DSP: variants seen among roughly 807,000 people sequenced by gnomAD.
DSP encodes the protein 250/210 kDa paraneoplastic pemphigus antigen.
DSP carries 114 observed loss-of-function variants against 290.6 expected under a neutral mutation model. The observed-to-expected ratio is 0.39, with a 90% CI of 0.34 to 0.46. DSP has a LOEUF of 0.46. Ranked by LOEUF, DSP falls within the 20% of genes least tolerant of loss-of-function variation. The probability of loss-of-function intolerance (pLI) is 0.99; values close to 1 mark genes in which losing one functional copy is unlikely to be tolerated. For synonymous variants in DSP, 1,311 were observed against 1,316.4 expected (o/e 1.00, Z 0.09); for missense variants, 3,230 against 3,495.8 (o/e 0.92, Z 1.92).
chr6:7,548,305 C>T lies in DSP; in HGVS notation c.170+6220C>T, dbSNP rs113682545. 5.4e-3 allele frequency among the ~76,000 whole-genome samples: 824 copies of T among 152,126 alleles called. 9 individuals carry two copies. Among genetic ancestry groups the T allele is most frequent in the African/African-American group, 0.019 (774 of 41,510 alleles). ...GAAAGAAATTTCAGAACCATAACAA[C>T]AGCAGCAGCCTCCGCAAGTAAGAGC... On this transcript the variant is annotated intron_variant, in intron 1 of 23. Transcript: ENST00000379802.
chr6:7,577,037 A>C lies in DSP; in HGVS notation c.2872A>C (p.Ile958Leu), dbSNP rs377116090. 1 of 1,609,894 alleles carries C rather than the reference A, an allele frequency of 6.2e-7. No individual in the cohort carries two copies. Among genetic ancestry groups the C allele is most frequent in the South Asian group, 1.1e-5 (1 of 89,966 alleles). The change falls in exon 20 of 24, where the codon ATT becomes CTT. Residue 958 changes from isoleucine to leucine, a missense_variant. Around this residue, in one of 5 missense-constraint regions of DSP, gnomAD observed 1,714 missense variants for 1,844.5 expected, o/e 0.93. Transcript: ENST00000379802. ...QKIAELCANS[I>L]KDYELQLASY... is the part of the protein sequence containing the mutation. Reference sequence around the variant, plus strand: ...AATTGCTGAACTTTGCGCCAATTCAATTAAGGTATGTTGGTTTCATAAAGA... The same window carrying C: ...AATTGCTGAACTTTGCGCCAATTCACTTAAGGTATGTTGGTTTCATAAAGA...
rs753652255 is a variant in DSP at position 7,580,995 on chromosome 6, G to A, written c.4805G>A (p.Arg1602Lys). The A allele has an allele frequency of 2.5e-6, 4 of 1,614,076 alleles. No individual in the cohort carries two copies. The highest frequency in any genetic ancestry group is 1.1e-5 in the South Asian group (1 of 91,090). ...KKLEEELEGM[R>K]RSLKEQAIKI... ...CTGGAGGAAGAGCTGGAAGGCATGA[G>A]GAGGTCGCTGAAGGAGCAAGCCATC... The change falls in exon 23 of 24, where the codon AGG becomes AAG. Residue 1602 changes from arginine to lysine, a missense_variant. Physicochemically the swap from Arg to Lys is conservative, Grantham distance 26 (BLOSUM62 2). This residue lies in a region of DSP where 1,714 missense variants were observed against 1,844.5 expected (regional missense o/e 0.93). Transcript: ENST00000379802. This position sits in a 1 kb window ranked among gnomAD's most constrained non-coding sequence, Gnocchi z 4.2.
Position 7,565,498 on chromosome 6 carries a change from C to G in DSP, c.917C>G (p.Ala306Gly), listed in dbSNP as rs1758833983. 6.2e-7 allele frequency: 1 copy of G among 1,613,834 alleles called. No individual in the cohort carries two copies. Among genetic ancestry groups the G allele is most frequent in the African/African-American group, 1.3e-5 (1 of 74,880 alleles). ...TGGAGCGACAAGAACACCAACATCG[C>G]TCAGAAACAGGAGGCCTTCTCCGTA... Reference protein sequence around the residue: ...YDWSDKNTNIAQKQEAFSIRM... With the variant: ...YDWSDKNTNIGQKQEAFSIRM... The change falls in exon 7 of 24, where the codon GCT (alanine) becomes GGT (glycine). Residue 306 changes from alanine (A) to glycine (G), a missense_variant. Physicochemically the swap from Ala to Gly is moderately conservative, Grantham distance 60. Transcript: ENST00000379802. The surrounding 1 kb of genome is among the most constrained non-coding windows in gnomAD (Gnocchi z 4.2).
At chr6:7,550,914 C>T (rs1758322446) in intron 1 of DSP, among the ~76,000 whole-genome samples, 1 of 151,586 alleles carries the variant, frequency 6.6e-6, no homozygotes, top group South Asian at 2.1e-4. Context: ...GAAAATCTTT[C>T]AACCCCTAAC....
In DSP at chr6:7,580,294, C is replaced by A. The variant is rs1464715776; in HGVS notation, c.4104C>A (p.Thr1368=). The change falls in exon 23 of 24, where the codon ACC becomes ACA. Residue 1368 remains threonine (T), a synonymous_variant. Transcript: ENST00000379802. The surrounding 1 kb of genome is among the most constrained non-coding windows in gnomAD (Gnocchi z 4.2). ...EIISLKNQFE[T]EINITKTTIH... is the part of the protein sequence containing the mutation. ...TTAGCTTAAAAAATCAGTTTGAGAC[C>A]GAGATCAACATCACCAAGACCACCA... is the stretch of plus-strand genomic sequence containing the variant. 29 of 1,613,476 alleles carry A rather than the reference C, an allele frequency of 1.8e-5. No individual in the cohort carries two copies. The highest frequency in any genetic ancestry group is 3.3e-5 in the Admixed American group (2 of 59,924).
rs1374798133 is a variant in DSP, at chr6:7,580,522, A to C, written c.4332A>C (p.Lys1444Asn). 2 of 1,614,162 alleles carry C rather than the reference A, an allele frequency of 1.2e-6. No individual in the cohort carries two copies. Among genetic ancestry groups the C allele is most frequent in the Non-Finnish European group, 1.7e-6 (2 of 1,180,028 alleles). ...KATGSEVSQRKQQLEVELRQV... is the reference protein window; with the variant it reads ...KATGSEVSQRNQQLEVELRQV... ...CTGGCTCTGAGGTGTCTCAGAGGAAACAGCAGCTGGAGGTTGAGCTGAGAC... is the reference window on the plus strand; with the variant it reads ...CTGGCTCTGAGGTGTCTCAGAGGAACCAGCAGCTGGAGGTTGAGCTGAGAC... The change falls in exon 23 of 24, where the codon AAA becomes AAC. Residue 1444 changes from lysine to asparagine, a missense_variant. Transcript: ENST00000379802. This position sits in a 1 kb window ranked among gnomAD's most constrained non-coding sequence, Gnocchi z 4.2.
chr6:7,543,054 T>A (rs1205274108), intron 1 of DSP, among the ~76,000 whole-genome samples: 1 of 151,736 alleles, frequency 6.6e-6, no homozygotes, highest in East Asian at 1.9e-4. Flanking sequence ...ACCGAGGGCG[T>A]CATTTGGGTG....
chr6:7,577,082 A>G, intron 20 of DSP, 40 bp downstream of exon 20: 1 of 1,518,360 alleles, frequency 6.6e-7, no homozygotes, highest in Non-Finnish European at 9.1e-7. Context: ...TTTCACCAAG[A>G]TTATTATTAA....
rs1053461609 is a variant in DSP, at chr6:7,565,997, A to C, written c.940-380A>C. ...CTTAAAATAAAAGTTAAAAAGAAAAAGAGGGGCAATACCTTGTTTAATATC... is the reference window on the plus strand; with the variant it reads ...CTTAAAATAAAAGTTAAAAAGAAAACGAGGGGCAATACCTTGTTTAATATC... On this transcript the variant is annotated intron_variant, in intron 7 of 23. Transcript: ENST00000379802. The surrounding 1 kb of genome is among the most constrained non-coding windows in gnomAD (Gnocchi z 4.2). Among the ~76,000 whole-genome samples the C allele has an allele frequency of 6.6e-6, 1 of 152,212 alleles. No individual in the cohort carries two copies. Among genetic ancestry groups the C allele is most frequent in the Non-Finnish European group, 1.5e-5 (1 of 68,044 alleles).
intron 15 of DSP, among the ~76,000 whole-genome samples, chr6:7,572,843 A>G (rs1759097412): frequency 6.6e-6 from 1 of 152,250 alleles, no homozygotes; most frequent in Admixed American, 6.5e-5. Context: ...ATAGCCTACT[A>G]TACACCTAGG....
chr6:7,556,280 A>C (rs1215093132), intron 2 of DSP, among the ~76,000 whole-genome samples: 1 of 152,166 alleles, frequency 6.6e-6, no homozygotes, highest in Non-Finnish European at 1.5e-5. Flanking sequence ...AAAAATAGGC[A>C]ATGGAAAATT....
intron 11 of DSP, 79 bp downstream of exon 11, chr6:7,568,668 T>A: frequency 6.8e-7 from 1 of 1,468,492 alleles, no homozygotes; most frequent in Non-Finnish European, 9.5e-7. Flanking sequence ...AAGCAACATT[T>A]AATCTAGAGT....
intron 15 of DSP, 151 bp from the exon 16 acceptor site, chr6:7,573,935 C>T (rs2113682756): frequency 1.2e-6 from 1 of 859,954 alleles, no homozygotes; most frequent in Non-Finnish European, 1.8e-6. Context: ...AAAAGATAAC[C>T]ATGGAAGTTG....
chr6:7,548,296 C>G (rs1226288963), intron 1 of DSP, among the ~76,000 whole-genome samples: 1 of 151,966 alleles, frequency 6.6e-6, no homozygotes, highest in Non-Finnish European at 1.5e-5. Flanking sequence ...AATTTCAGAA[C>G]CATAACAACA....
At chr6:7,573,220 A>C (rs1759114365) in intron 15 of DSP, among the ~76,000 whole-genome samples, 1 of 152,124 alleles carries the variant, frequency 6.6e-6, no homozygotes, top group Non-Finnish European at 1.5e-5. Flanking sequence ...CATTGACCAA[A>C]ACATCATTAG....
intron 4 of DSP, among the ~76,000 whole-genome samples, chr6:7,561,247 C>A (rs1758681976): frequency 6.6e-6 from 1 of 152,162 alleles, no homozygotes; most frequent in Admixed American, 6.5e-5. Context: ...CCACCACGCC[C>A]AGCCAGTTTT....
rs1318410023 is a variant in DSP, at chr6:7,579,052, CAAAG to C, written c.3085-221_3085-218del. ...TTTTACAGATGAGGTAGCTCAGACT[CAAAG>C]ATAATATATCATTTGCTAAGAGCAT... On this transcript the variant is annotated intron_variant, in intron 22 of 23. Coordinates refer to ENST00000379802, the MANE Select transcript of DSP (RefSeq NM_004415.4). This position sits in a 1 kb window ranked among gnomAD's most constrained non-coding sequence, Gnocchi z 4.1. Among the ~76,000 whole-genome samples the C allele has an allele frequency of 6.6e-6, 1 of 152,110 alleles. No individual in the cohort carries two copies. The highest frequency in any genetic ancestry group is 1.5e-5 in the Non-Finnish European group (1 of 68,026).
Position 7,583,765 on chromosome 6 carries a change from G to C in DSP, c.6503G>C (p.Ser2168Thr). The C allele has an allele frequency of 6.2e-7, 1 of 1,614,116 alleles. No individual in the cohort carries two copies. The highest frequency in any genetic ancestry group is 8.5e-7 in the Non-Finnish European group (1 of 1,180,026). Residue 2168 changes from serine (S) to threonine (T), a missense_variant, in exon 24 of 24, where the codon AGT becomes ACT. Around this residue, in one of 5 missense-constraint regions of DSP, gnomAD observed 1,714 missense variants for 1,844.5 expected, o/e 0.93. Transcript: ENST00000379802. This position sits in a 1 kb window ranked among gnomAD's most constrained non-coding sequence, Gnocchi z 4.0. ...LYRSLNDPRD[S>T]QKNFVDPVTK... ...CGATCCCTGAATGATCCCCGAGATA[G>C]TCAGAAAAACTTTGTGGATCCAGTC...
chr6:7,543,591 A>G (rs1172230241), intron 1 of DSP, among the ~76,000 whole-genome samples: 1 of 152,116 alleles, frequency 6.6e-6, no homozygotes, highest in African/African-American at 2.4e-5. Flanking sequence ...TTTCTCCCGC[A>G]GTCCTCCAGG....
Sources: allele counts gnomAD v4.1 joint callset (sites outside exome capture counted in the v4.1 genomes callset), GRCh38; gene constraint gnomAD v4.1.1; regional missense constraint gnomAD v4.1.1; non-coding constraint Gnocchi (gnomAD v3.1); transcripts MANE v1.5; gene names NCBI Gene and HGNC (gene_info 2026-07-23, HGNC 2026-07-21).